ANK3: variants seen among roughly 807,000 people sequenced by gnomAD.
The protein encoded by ANK3 is ankyrin 3.
A neutral mutation model predicts 370.9 loss-of-function variants in ANK3; 57 were observed. The ratio of observed to expected loss-of-function variants is 0.15; its 90% CI spans 0.12 to 0.19. ANK3 has a LOEUF of 0.19. ANK3 is among the 10% of genes least tolerant of loss of function. The pLI, the probability that ANK3 is intolerant of heterozygous loss-of-function variation, is 1.00. For missense variants in ANK3, 4,439 were observed against 5,302.1 expected (o/e 0.84, Z 5.06); for synonymous variants, 1,929 against 1,946.3 (o/e 0.99, Z 0.23).
chr10:60,205,458 G>A (rs1290070669), intron 11 of ANK3, among the ~76,000 whole-genome samples: 5 of 152,254 alleles, frequency 3.3e-5, no homozygotes, highest in South Asian at 2.1e-4. Flanking sequence ...ATGACTAAAC[G>A]CCCCTTGGGG....
chr10:60,386,463 CTTAAG>C (rs987521651), intron 1 of ANK3, among the ~76,000 whole-genome samples: 72 of 150,944 alleles, frequency 4.8e-4, no homozygotes, highest in African/African-American at 1.4e-3. Flanking sequence ...CTTAACACTA[CTTAAG>C]TTATGTCAAG....
chr10:60,713,236 A>C (rs1465395808), intron 1 of ANK3, among the ~76,000 whole-genome samples: 1 of 152,214 alleles, frequency 6.6e-6, no homozygotes, highest in Non-Finnish European at 1.5e-5. Context: ...AAATGTAAAC[A>C]ATAGAAATCA....
At position 60,321,958 on chromosome 10, in the gene ANK3, C is replaced by T. The variant is rs186253178; in HGVS notation, c.115-42319G>A. 5.8e-3 allele frequency among the ~76,000 whole-genome samples: 880 copies of T among 152,188 alleles called. 7 individuals are homozygous for T. Among genetic ancestry groups the T allele is most frequent in the African/African-American group, 0.02 (842 of 41,532 alleles). On this transcript the variant is annotated intron_variant, in intron 1 of 43. Coordinates refer to ENST00000280772, the MANE Select transcript of ANK3 (RefSeq NM_020987.5). ...GTGGGGGGTGCGAGCTGGCAGAATC[C>T]ATTACTAAAAATGATTCCCTAGTTT...
At chr10:60,578,000 T>C (rs188188397) in intron 2 of ANK3, among the ~76,000 whole-genome samples, 27 of 152,318 alleles carry the variant, frequency 1.8e-4, no homozygotes, top group Non-Finnish European at 3.4e-4. Context: ...TAATGATCAT[T>C]TGTAAATTAA....
intron 24 of ANK3, among the ~76,000 whole-genome samples, chr10:60,134,717 T>C (rs189322295): frequency 6.6e-6 from 1 of 152,328 alleles, no homozygotes; most frequent in East Asian, 1.9e-4. Flanking sequence ...GATCTTATGT[T>C]AGAATGTCTC....
intron 20 of ANK3, among the ~76,000 whole-genome samples, 178 bp downstream of exon 20, chr10:60,172,722 A>C (rs2095825846): frequency 6.6e-6 from 1 of 152,126 alleles, no homozygotes; most frequent in Non-Finnish European, 1.5e-5. Context: ...TAAAACACTA[A>C]TCATCTCTCT....
intron 1 of ANK3, among the ~76,000 whole-genome samples, chr10:60,662,342 A>T (rs903001910): frequency 1.3e-5 from 2 of 152,178 alleles, no homozygotes; most frequent in Admixed American, 6.5e-5. Flanking sequence ...ACTAAAAAAT[A>T]AAAAAGACAA....
At chr10:60,468,891 G>A (rs144720891) in intron 2 of ANK3, among the ~76,000 whole-genome samples, 132 of 148,272 alleles carry the variant, frequency 8.9e-4, no homozygotes, top group Middle Eastern at 3.5e-3. Context: ...ATTTCTTTGC[G>A]GTCATATACA....
At chr10:60,095,845 A>G (rs573638065) in intron 28 of ANK3, among the ~76,000 whole-genome samples, 2 of 152,128 alleles carry the variant, frequency 1.3e-5, no homozygotes, top group Non-Finnish European at 2.9e-5. Flanking sequence ...AAGAATATAA[A>G]CCTCTTTCTG....
intron 2 of ANK3, among the ~76,000 whole-genome samples, chr10:60,490,300 C>G (rs1397136085): frequency 6.6e-6 from 1 of 152,194 alleles, no homozygotes; most frequent in Non-Finnish European, 1.5e-5. Flanking sequence ...CCCAGTCCTA[C>G]TGAACCAGAA....
intron 23 of ANK3, among the ~76,000 whole-genome samples, chr10:60,158,685 C>CTTCTTTTTTTTT (rs1555028779): frequency 7.5e-6 from 1 of 132,710 alleles, no homozygotes; most frequent in Non-Finnish European, 1.6e-5. Flanking sequence ...CACTTTTTTT[C>CTTCTTTTTTTTT]TTTTTTTTGA....
chr10:60,243,202 T>C (rs540962187), intron 7 of ANK3, among the ~76,000 whole-genome samples: 4 of 152,322 alleles, frequency 2.6e-5, no homozygotes, highest in African/African-American at 9.6e-5. Context: ...AGATCTCTTA[T>C]CTGTAAAATT....
chr10:60,586,509 C>T (rs753874371), intron 2 of ANK3, among the ~76,000 whole-genome samples: 14 of 152,096 alleles, frequency 9.2e-5, no homozygotes, highest in Non-Finnish European at 1.8e-4. Flanking sequence ...GAGCCAGATG[C>T]AGTAACCAAC....
At chr10:60,228,966 C>T (rs2097204588) in intron 8 of ANK3, among the ~76,000 whole-genome samples, 1 of 152,110 alleles carries the variant, frequency 6.6e-6, no homozygotes, top group South Asian at 2.1e-4. Flanking sequence ...ACTTTTAGAT[C>T]TCTAATTTGG....
intron 1 of ANK3, among the ~76,000 whole-genome samples, chr10:60,309,548 A>C (rs902505951): frequency 1.3e-5 from 2 of 152,170 alleles, no homozygotes; most frequent in African/African-American, 4.8e-5. Context: ...ATGAGCTTAC[A>C]GTTGTGCATT....
Position 60,080,630 on chromosome 10 carries a change from A to G in ANK3, c.4351-12T>C, listed in dbSNP as rs768296930. 2 of 1,572,292 alleles carry G rather than the reference A, an allele frequency of 1.3e-6. No individual in the cohort carries two copies. The highest frequency in any genetic ancestry group is 2.1e-5 in the Admixed American group (1 of 47,588). On this transcript the variant is annotated splice_polypyrimidine_tract_variant and intron_variant, in intron 35 of 43. Transcript: ENST00000280772. ...TCTGTTTTCTCAATCTGAAAAGGAA[A>G]AAAAAAAAGACAACTCTATTTCCAA...
At chr10:60,522,481 T>C (rs999318119) in intron 2 of ANK3, among the ~76,000 whole-genome samples, 1 of 151,932 alleles carries the variant, frequency 6.6e-6, no homozygotes. Context: ...TATTCCACAA[T>C]TGTTGCTTGT....
chr10:60,147,122 G>A (rs1298301861), intron 23 of ANK3, among the ~76,000 whole-genome samples: 1 of 152,162 alleles, frequency 6.6e-6, no homozygotes, highest in Non-Finnish European at 1.5e-5. Context: ...TAAAAAGCAC[G>A]AGGTGGTGTT....
chr10:60,360,636 G>A (rs2058457950), intron 1 of ANK3, among the ~76,000 whole-genome samples: 1 of 152,112 alleles, frequency 6.6e-6, no homozygotes, highest in African/African-American at 2.4e-5. Context: ...TTAAACCCAG[G>A]AGGTTGAGGC....
Sources: gnomAD v4.1 joint callset for allele counts (sites outside exome capture counted in the v4.1 genomes callset) on GRCh38, gnomAD v4.1.1 for gene constraint, MANE v1.5 for transcripts, NCBI Gene and HGNC (gene_info 2026-07-23, HGNC 2026-07-21) for gene names.